PDS5B: variants seen among roughly 807,000 people sequenced by gnomAD.
The protein encoded by PDS5B is sister chromatid cohesion protein PDS5 homolog B.
PDS5B carries 51 observed loss-of-function variants against 184.1 expected under a neutral mutation model. The observed-to-expected ratio is 0.28, with a 90% confidence interval of 0.22 to 0.35. The LOEUF (loss-of-function observed/expected upper bound fraction) is 0.35, where lower values mean the gene tolerates loss of function less well. Among genes scored for constraint, PDS5B ranks in the 10% least tolerant of loss-of-function variants. The pLI is 1.00. For synonymous variants in PDS5B, 566 were observed against 569.2 expected (o/e 0.99, Z 0.08); for missense variants, 1,180 against 1,723.3 (o/e 0.68, Z 5.58).
At chr13:32,746,582 C>T (rs1953750223) in intron 24 of PDS5B, among the ~76,000 whole-genome samples, 1 of 152,198 alleles carries the variant, frequency 6.6e-6, no homozygotes, top group African/African-American at 2.4e-5. Context: ...AATATCAGAG[C>T]CTTCTTGTGC....
chr13:32,708,569 T>A (rs1030807108), intron 18 of PDS5B, among the ~76,000 whole-genome samples: 1 of 152,182 alleles, frequency 6.6e-6, no homozygotes, highest in African/African-American at 2.4e-5. Flanking sequence ...TTTACCGATA[T>A]ATAATCCCAT....
rs548898760 is a variant in PDS5B at position 32,664,064 on chromosome 13, G to A, written c.625-3700G>A. ...AAGACATTATTTCATTCTTTTTATC[G>A]CTGAGTAGTATTCCATGGTGTATAT... On this transcript the variant is annotated intron_variant, in intron 6 of 34. Coordinates refer to ENST00000315596, the MANE Select transcript of PDS5B (RefSeq NM_015032.4). 8.5e-5 allele frequency among the ~76,000 whole-genome samples: 13 copies of A among 152,182 alleles called. 1 individual carries two copies. In the Middle Eastern group the frequency reaches 0.01, roughly 119 times the overall value.
At chr13:32,655,488 C>T (rs981977218) in intron 3 of PDS5B, among the ~76,000 whole-genome samples, 2 of 149,096 alleles carry the variant, frequency 1.3e-5, no homozygotes, top group South Asian at 2.2e-4. Flanking sequence ...ATGTGATTCT[C>T]CTCCCTCAGC....
At chr13:32,616,433 A>G (rs1378547513) in intron 1 of PDS5B, among the ~76,000 whole-genome samples, 1 of 152,036 alleles carries the variant, frequency 6.6e-6, no homozygotes, top group Non-Finnish European at 1.5e-5. Flanking sequence ...TGCCTTTTCA[A>G]TTTAGTGATG....
intron 31 of PDS5B, among the ~76,000 whole-genome samples, chr13:32,764,804 A>G (rs749903044): frequency 2.0e-5 from 3 of 152,096 alleles, no homozygotes; most frequent in African/African-American, 4.8e-5. Context: ...AGTAATCTCA[A>G]TTGTTCAGAT....
chr13:32,697,690 G>T (rs1951745325), intron 15 of PDS5B, among the ~76,000 whole-genome samples: 1 of 152,094 alleles, frequency 6.6e-6, no homozygotes, highest in Non-Finnish European at 1.5e-5. Flanking sequence ...AAGTTGTTTT[G>T]TGCTAGTCCT....
At chr13:32,626,262 C>T (rs1019946677) in intron 1 of PDS5B, among the ~76,000 whole-genome samples, 5 of 152,180 alleles carry the variant, frequency 3.3e-5, no homozygotes, top group African/African-American at 9.7e-5. Context: ...AATGCAGTTA[C>T]AGGTATGGAG....
intron 19 of PDS5B, among the ~76,000 whole-genome samples, chr13:32,726,008 C>T (rs1484225432): frequency 2.6e-5 from 4 of 151,834 alleles, no homozygotes; most frequent in East Asian, 1.9e-4. Flanking sequence ...TTTGAGAGGT[C>T]GCTCTTTTAA....
intron 3 of PDS5B, 109 bp from the exon 4 acceptor site, chr13:32,658,130 A>G (rs1950562495): frequency 1.9e-6 from 1 of 515,886 alleles, no homozygotes; most frequent in East Asian, 3.3e-5. Flanking sequence ...GGTTCTTTAT[A>G]GTTTATTATG....
At chr13:32,656,279 T>TTA in intron 3 of PDS5B, among the ~76,000 whole-genome samples, 1 of 148,422 alleles carries the variant, frequency 6.7e-6, no homozygotes, top group Non-Finnish European at 1.5e-5. Flanking sequence ...GCTTCTTTTT[T>TTA]TTTTTTTTTT....
In PDS5B at chr13:32,760,582, C is replaced by A. The variant is rs1454677486; in HGVS notation, c.3380C>A (p.Thr1127Lys). Residue 1127 changes from threonine to lysine, a missense_variant, in exon 30 of 35, where the codon ACA becomes AAA. Physicochemically the swap from Thr to Lys is moderately conservative, Grantham distance 78. Around this residue, in one of 11 missense-constraint regions of PDS5B, gnomAD observed 465 missense variants for 497.8 expected, o/e 0.93. Coordinates refer to ENST00000315596, the MANE Select transcript of PDS5B (RefSeq NM_015032.4). Reference protein sequence around the residue: ...KSFFTPGKPKTTNVLGAVNKP... With the variant: ...KSFFTPGKPKKTNVLGAVNKP... ...GTGCATTTCTCATTTCAGCCTAAAACAACCAATGTTCTAGGAGCTGTTAAC... is the reference window on the plus strand; with the variant it reads ...GTGCATTTCTCATTTCAGCCTAAAAAAACCAATGTTCTAGGAGCTGTTAAC... The A allele has an allele frequency of 1.2e-6, 2 of 1,613,200 alleles. No individual in the cohort carries two copies. Among genetic ancestry groups the A allele is most frequent in the African/African-American group, 1.3e-5 (1 of 74,904 alleles).
Position 32,604,049 on chromosome 13 carries a change from T to C in PDS5B, c.-20+17456T>C, listed in dbSNP as rs185531736. Among the ~76,000 whole-genome samples the C allele has an allele frequency of 1.9e-3, 295 of 152,340 alleles. 1 individual carries two copies. Among genetic ancestry groups the C allele is most frequent in the African/African-American group, 6.5e-3 (270 of 41,566 alleles). Reference sequence around the variant, plus strand: ...GGGACAATTTGACTTCCTCTTTTCCTAATTGAATACACTTTATTTCTTTCT... The same window carrying C: ...GGGACAATTTGACTTCCTCTTTTCCCAATTGAATACACTTTATTTCTTTCT... On this transcript the variant is annotated intron_variant, in intron 1 of 34. Coordinates refer to ENST00000315596, the MANE Select transcript of PDS5B (RefSeq NM_015032.4).
At chr13:32,764,062 C>CGG (rs1954502504) in intron 30 of PDS5B, among the ~76,000 whole-genome samples, 1 of 151,630 alleles carries the variant, frequency 6.6e-6, no homozygotes, top group Non-Finnish European at 1.5e-5. Flanking sequence ...TATATTCTAA[C>CGG]GGGAAGGCAG....
chr13:32,754,618 G>A (rs1006604060), intron 25 of PDS5B, among the ~76,000 whole-genome samples: 5 of 152,000 alleles, frequency 3.3e-5, no homozygotes, highest in African/African-American at 1.2e-4. Context: ...AAAATGTGAG[G>A]GGTCTGCAGT....
intron 17 of PDS5B, among the ~76,000 whole-genome samples, chr13:32,706,135 G>T (rs998233655): frequency 2.0e-5 from 3 of 151,886 alleles, no homozygotes; most frequent in African/African-American, 7.3e-5. Flanking sequence ...AAAATTAGCT[G>T]GGTTTGTTGG....
In PDS5B at chr13:32,743,687, C is replaced by A. The variant is rs188877927; in HGVS notation, c.2612+960C>A. Among the ~76,000 whole-genome samples, 409 of 151,920 alleles carry A rather than the reference C, an allele frequency of 2.7e-3. 3 individuals are homozygous for A. Among genetic ancestry groups the A allele is most frequent in the African/African-American group, 9.4e-3 (389 of 41,490 alleles). The stretch of plus-strand genomic sequence containing the variant: ...TTGTATGTTTTGCTTATACTGTATT[C>A]TTTGCATAGAATGTTAACAGAAGCA... On this transcript the variant is annotated intron_variant, in intron 23 of 34. Transcript: ENST00000315596.
At chr13:32,603,435 T>G (rs28794315) in intron 1 of PDS5B, among the ~76,000 whole-genome samples, 59,821 of 151,682 alleles carry the variant, frequency 0.39, 12,174 homozygotes, top group African/African-American at 0.49. Flanking sequence ...TGAAGGTTCT[T>G]TTCTGTTCCA....
intron 1 of PDS5B, among the ~76,000 whole-genome samples, chr13:32,633,958 C>T (rs374243708): frequency 3.1e-4 from 47 of 152,208 alleles, no homozygotes; most frequent in African/African-American, 1.1e-3. Context: ...TTATGCAATG[C>T]CTCCTGGATT....
intron 1 of PDS5B, among the ~76,000 whole-genome samples, chr13:32,632,678 A>C (rs917270605): frequency 6.6e-6 from 1 of 152,246 alleles, no homozygotes; most frequent in Non-Finnish European, 1.5e-5. Flanking sequence ...CAGGGACTGA[A>C]ATGGGTATTT....
Sources: gnomAD v4.1 joint callset for allele counts (sites outside exome capture counted in the v4.1 genomes callset) on GRCh38, gnomAD v4.1.1 for gene constraint, gnomAD v4.1.1 regional missense constraint, MANE v1.5 for transcripts, NCBI Gene and HGNC (gene_info 2026-07-23, HGNC 2026-07-21) for gene names.